The following GRIN2B variants were observed in gnomAD, a reference collection of about 807,000 sequenced individuals.
GRIN2B encodes glutamate receptor ionotropic, NMDA 2B.
A neutral mutation model predicts 114.5 loss-of-function variants in GRIN2B; 5 were observed. The ratio of observed to expected loss-of-function variants is 0.04; its 90% confidence interval spans 0.02 to 0.09. The LOEUF (loss-of-function observed/expected upper bound fraction) is 0.09, where lower values mean the gene tolerates loss of function less well. Ranked by LOEUF, GRIN2B falls within the 10% of genes least tolerant of loss-of-function variation. The pLI is 1.00. For synonymous variants in GRIN2B, 787 were observed against 745.1 expected (o/e 1.06, Z -0.92); for missense variants, 1,108 against 1,943.5 (o/e 0.57, Z 8.08).
chr12:13,875,128 C>T (rs968328507), intron 2 of GRIN2B, among the ~76,000 whole-genome samples: 20 of 152,034 alleles, frequency 1.3e-4, no homozygotes, highest in African/African-American at 4.3e-4. Flanking sequence ...CATGTATCCA[C>T]GTGTTCTCAT....
chr12:13,852,016 C>T (rs900595498), intron 3 of GRIN2B, among the ~76,000 whole-genome samples: 9 of 152,156 alleles, frequency 5.9e-5, no homozygotes, highest in Admixed American at 3.9e-4. Flanking sequence ...GCCCTAGCAA[C>T]GTGATGCTGA....
rs1168805189 is a variant in GRIN2B at position 13,546,414 on chromosome 12, C to G, written c.*16369G>C. 5 of 152,264 alleles carry G rather than the reference C, an allele frequency of 3.3e-5. No individual in the cohort carries two copies. Among genetic ancestry groups the G allele is most frequent in the African/African-American group, 1.2e-4 (5 of 41,468 alleles). The allele number at this position is 152,264 out of a possible 1,614,324, so 9.4% of individuals were successfully genotyped here. ...GCCATCAATGGCAGCACAGCCTCTCCTTCTGCCAGAGCTCACAGGGAATGA... is the reference window on the plus strand; with the variant it reads ...GCCATCAATGGCAGCACAGCCTCTCGTTCTGCCAGAGCTCACAGGGAATGA... On this transcript the variant is annotated 3_prime_UTR_variant, in exon 14 of 14. Transcript: ENST00000609686.
intron 3 of GRIN2B, among the ~76,000 whole-genome samples, chr12:13,764,145 A>G (rs1863732005): frequency 1.3e-5 from 2 of 150,540 alleles, no homozygotes; most frequent in Non-Finnish European, 2.9e-5. Flanking sequence ...TTGTGTCCGC[A>G]GTCCTAGAAA....
At chr12:13,719,112 A>G (rs1241118700) in intron 4 of GRIN2B, among the ~76,000 whole-genome samples, 2 of 151,436 alleles carry the variant, frequency 1.3e-5, no homozygotes, top group Admixed American at 6.6e-5. Flanking sequence ...ATCACCACGC[A>G]CTCTCTTCCA....
chr12:13,592,928 A>C lies in GRIN2B; in HGVS notation c.2010+15675T>G, dbSNP rs144796064. Among the ~76,000 whole-genome samples, 41 of 152,344 alleles carry C rather than the reference A, an allele frequency of 2.7e-4. No individual in the cohort carries two copies. In the East Asian group the frequency reaches 7.5e-3, roughly 28 times the overall value. ...ATAAAGGGTTAAACTGGAAGTTTAA[A>C]TACATAAAAGCATGCTAAAAAAATG... On this transcript the variant is annotated intron_variant, in intron 10 of 13. Transcript: ENST00000609686.
intron 2 of GRIN2B, among the ~76,000 whole-genome samples, chr12:13,920,036 G>T (rs1261414150): frequency 2.0e-5 from 3 of 152,088 alleles, no homozygotes; most frequent in Non-Finnish European, 4.4e-5. Flanking sequence ...AAGAGGCCTA[G>T]GGTGGTAAAA....
intron 5 of GRIN2B, among the ~76,000 whole-genome samples, chr12:13,621,638 T>C (rs867333079): frequency 2.1e-5 from 3 of 141,202 alleles, no homozygotes; most frequent in East Asian, 3.9e-4. Flanking sequence ...TTTTTTTTTT[T>C]TTCAGAAAAA....
At chr12:13,873,784 C>G (rs1865950641) in intron 2 of GRIN2B, among the ~76,000 whole-genome samples, 1 of 152,132 alleles carries the variant, frequency 6.6e-6, no homozygotes, top group Non-Finnish European at 1.5e-5. Context: ...TGACAATAAA[C>G]AGGGATCCTT....
chr12:13,848,745 C>T (rs1054211672), intron 3 of GRIN2B, among the ~76,000 whole-genome samples: 16 of 152,170 alleles, frequency 1.1e-4, no homozygotes, highest in African/African-American at 3.9e-4. Context: ...ACTACAATGA[C>T]TAGTTAGCCT....
chr12:13,619,994 T>C (rs189606938), intron 5 of GRIN2B, among the ~76,000 whole-genome samples: 2 of 152,340 alleles, frequency 1.3e-5, no homozygotes, highest in Admixed American at 1.3e-4. Context: ...ATTACTCTAA[T>C]ATCCACTATC....
intron 5 of GRIN2B, among the ~76,000 whole-genome samples, chr12:13,627,779 G>A (rs1565482151): frequency 6.6e-6 from 1 of 152,352 alleles, no homozygotes; most frequent in Non-Finnish European, 1.5e-5. Flanking sequence ...AGAGTCTACA[G>A]TCACAGCCAA....
intron 5 of GRIN2B, among the ~76,000 whole-genome samples, chr12:13,668,357 C>A (rs762930064): frequency 6.6e-5 from 10 of 152,202 alleles, no homozygotes; most frequent in Non-Finnish European, 1.5e-4. Flanking sequence ...CCAATACATC[C>A]TGCTCTTCTC....
In GRIN2B at chr12:13,648,020, A is replaced by G. The variant is rs151233684; in HGVS notation, c.1125+27725T>C. On this transcript the variant is annotated intron_variant, in intron 5 of 13. Coordinates refer to ENST00000609686, the MANE Select transcript of GRIN2B (RefSeq NM_000834.5). ...TGTGGATTATAAAGGCTGAAAATTC[A>G]TTGGTGAGGCTTGGCTGGGCCTGTC... 2.3e-3 allele frequency among the ~76,000 whole-genome samples: 349 copies of G among 152,182 alleles called. 3 individuals are homozygous for G. Among genetic ancestry groups the G allele is most frequent in the African/African-American group, 7.9e-3 (329 of 41,538 alleles).
In GRIN2B at chr12:13,753,729, C is replaced by G. The variant is rs1196117849; in HGVS notation, c.598G>C (p.Glu200Gln). ...GACATGTCCAGTAGGAGGACCTCCT[C>G]TAGCTCCCAGCCCACAAAGCTATTC... The part of the protein sequence containing the change: ...IENSFVGWEL[E>Q]EVLLLDMSLD... Residue 200 changes from glutamate to glutamine, a missense_variant, in exon 4 of 14, where the codon GAG (glutamate) becomes CAG (glutamine). Coordinates refer to ENST00000609686, the MANE Select transcript of GRIN2B (RefSeq NM_000834.5). The surrounding 1 kb of genome is among the most constrained non-coding windows in gnomAD (Gnocchi z 6.2). 1.9e-6 allele frequency: 3 copies of G among 1,614,108 alleles called. No homozygotes were observed. In the African/African-American group the frequency reaches 4.0e-5, roughly 22 times the overall value.
intron 10 of GRIN2B, among the ~76,000 whole-genome samples, chr12:13,597,314 G>A (rs1330488061): frequency 1.3e-5 from 2 of 152,176 alleles, no homozygotes; most frequent in Non-Finnish European, 2.9e-5. Context: ...AAAAACCTGG[G>A]CCTGGGGGCA....
chr12:13,878,452 C>T (rs1866024150), intron 2 of GRIN2B, among the ~76,000 whole-genome samples: 1 of 152,214 alleles, frequency 6.6e-6, no homozygotes, highest in South Asian at 2.1e-4. Flanking sequence ...GATGCCAGTT[C>T]ATTTCTTGTG....
intron 3 of GRIN2B, among the ~76,000 whole-genome samples, chr12:13,783,406 G>A (rs1864156516): frequency 8.7e-6 from 1 of 114,834 alleles, no homozygotes; most frequent in Admixed American, 8.5e-5. Flanking sequence ...CAAAATATAG[G>A]ACAAGAGAAT....
At position 13,562,756 on chromosome 12, in the gene GRIN2B, C is replaced by T. The variant is rs769557169; in HGVS notation, c.*27G>A. 2 of 1,595,462 alleles carry T rather than the reference C, an allele frequency of 1.3e-6. No individual in the cohort carries two copies. The highest frequency in any genetic ancestry group is 4.5e-5 in the East Asian group (2 of 44,788). On this transcript the variant is annotated 3_prime_UTR_variant, in exon 14 of 14. Coordinates refer to ENST00000609686, the MANE Select transcript of GRIN2B (RefSeq NM_000834.5). ...CGACCCACAGCCTTACCCTCCCGTACCCACCTTAACCTCTCTGTTCCCTCA... is the reference window on the plus strand; with the variant it reads ...CGACCCACAGCCTTACCCTCCCGTATCCACCTTAACCTCTCTGTTCCCTCA...
chr12:13,692,594 G>C (rs1221410795), intron 4 of GRIN2B, among the ~76,000 whole-genome samples: 1 of 151,828 alleles, frequency 6.6e-6, no homozygotes, highest in African/African-American at 2.4e-5. Context: ...GTGCCAGCAT[G>C]AGCAAGTATG....
Sources: allele counts gnomAD v4.1 joint callset (sites outside exome capture counted in the v4.1 genomes callset), GRCh38; gene constraint gnomAD v4.1.1; non-coding constraint Gnocchi (gnomAD v3.1); transcripts MANE v1.5; gene names NCBI Gene and HGNC (gene_info 2026-07-23, HGNC 2026-07-21).